The following GSE1 variants were observed in gnomAD, a reference collection of about 807,000 sequenced individuals.
The protein encoded by GSE1 is genetic suppressor element 1.
Under a neutral mutation model 112.6 loss-of-function variants are expected in GSE1, and 32 were observed. That is an observed-to-expected ratio of 0.28 (90% CI 0.21 to 0.38). GSE1 has a LOEUF of 0.38. Among genes scored for constraint, GSE1 ranks in the 10% least tolerant of loss-of-function variants. The pLI, the probability that GSE1 is intolerant of heterozygous loss-of-function variation, is 1.00. For missense variants in GSE1, 2,348 were observed against 1,699.2 expected, an observed-to-expected ratio of 1.38 and a Z score of -6.71; for synonymous variants, 1,115 against 735.6, an observed-to-expected ratio of 1.52 and a Z score of -8.35.
intron 1 of GSE1, among the ~76,000 whole-genome samples, chr16:85,588,744 G>T (rs1244191157): frequency 6.6e-6 from 1 of 152,186 alleles, no homozygotes; most frequent in African/African-American, 2.4e-5. Flanking sequence ...TATTAACAAG[G>T]AGCACTTTCC....
chr16:85,333,393 ACCAGGCTTCCCTT>A (rs890727331), intron 1 of GSE1, among the ~76,000 whole-genome samples: 1 of 151,946 alleles, frequency 6.6e-6, no homozygotes, highest in Non-Finnish European at 1.5e-5. Context: ...GGCCCAGCCC[ACCAGGCTTCCCTT>A]CCAGCCTCCC....
At chr16:85,449,027 T>A (rs2049593410) in intron 2 of GSE1, among the ~76,000 whole-genome samples, 2 of 152,096 alleles carry the variant, frequency 1.3e-5, no homozygotes, top group Non-Finnish European at 2.9e-5. Flanking sequence ...GCGTCAATAT[T>A]GACTCTGTCA....
At chr16:85,340,054 T>C (rs1457033895) in intron 1 of GSE1, among the ~76,000 whole-genome samples, 1 of 152,226 alleles carries the variant, frequency 6.6e-6, no homozygotes, top group Non-Finnish European at 1.5e-5. Context: ...TTAGGTACAT[T>C]TCTGAATCTC....
chr16:85,269,617 C>G (rs8062164), intron 1 of GSE1, among the ~76,000 whole-genome samples: 74,527 of 148,458 alleles, frequency 0.5, 22,134 homozygotes, highest in African/African-American at 0.63. Flanking sequence ...CTCCCGTGCT[C>G]TGCATGCCCG....
chr16:85,299,034 G>T (rs1334716079), intron 1 of GSE1, among the ~76,000 whole-genome samples: 2 of 152,246 alleles, frequency 1.3e-5, no homozygotes, highest in African/African-American at 4.8e-5. Context: ...GTGTGAGGAT[G>T]CTTCCTGACA....
chr16:85,181,044 G>T (rs2074572755), intron 1 of GSE1, among the ~76,000 whole-genome samples: 1 of 152,226 alleles, frequency 6.6e-6, no homozygotes, highest in Non-Finnish European at 1.5e-5. Flanking sequence ...TGTGTTTCAT[G>T]ATGTTGAACT....
chr16:85,486,048 G>A (rs1229142838), intron 2 of GSE1, among the ~76,000 whole-genome samples: 2 of 152,168 alleles, frequency 1.3e-5, no homozygotes, highest in African/African-American at 4.8e-5. Context: ...CGTAACGGCA[G>A]CTCAGTGCAG....
chr16:85,382,235 T>C (rs2047564166), intron 2 of GSE1, among the ~76,000 whole-genome samples: 1 of 152,168 alleles, frequency 6.6e-6, no homozygotes, highest in Non-Finnish European at 1.5e-5. Context: ...TCTCCCGTCC[T>C]GGTCATTCTC....
chr16:85,563,160 G>T (rs1454302262), intron 1 of GSE1, among the ~76,000 whole-genome samples: 6 of 150,556 alleles, frequency 4.0e-5, no homozygotes, highest in Non-Finnish European at 8.9e-5. Flanking sequence ...CATCCACATG[G>T]TATCCTCCTC....
chr16:85,656,394 C>G lies in GSE1; in HGVS notation c.1041C>G (p.Arg347=), dbSNP rs752433842. 1 of 1,532,424 alleles carries G rather than the reference C, an allele frequency of 6.5e-7. No homozygotes were observed. The highest frequency in any genetic ancestry group is 8.9e-7 in the Non-Finnish European group (1 of 1,126,334). The allele number at this position is 1,532,424 out of a possible 1,614,324, so 94.9% of individuals were successfully genotyped here. Reference sequence around the variant, plus strand: ...GGGAGAGGGAGCGCGAGCGCGAGCGCGAGCGTGAGCGTGAGGCTGACCGCG... The same window carrying G: ...GGGAGAGGGAGCGCGAGCGCGAGCGGGAGCGTGAGCGTGAGGCTGACCGCG... ...LRRERERERE[R]EREREADRER... Residue 347 remains arginine (R), a synonymous_variant, in exon 7 of 16, where the codon CGC becomes CGG. Transcript: ENST00000253458.
At chr16:85,486,699 G>A (rs182878327) in intron 2 of GSE1, among the ~76,000 whole-genome samples, 7 of 152,112 alleles carry the variant, frequency 4.6e-5, no homozygotes, top group African/African-American at 1.2e-4. Flanking sequence ...CTCTCCTGCC[G>A]CCTCCAGCAG....
At chr16:85,465,764 G>A (rs1016194933) in intron 2 of GSE1, among the ~76,000 whole-genome samples, 2 of 152,198 alleles carry the variant, frequency 1.3e-5, no homozygotes, top group South Asian at 2.1e-4. Flanking sequence ...TCAGACAGAC[G>A]TTCCTCAAGG....
intron 1 of GSE1, among the ~76,000 whole-genome samples, chr16:85,238,125 C>G (rs1389791234): frequency 6.6e-6 from 1 of 152,114 alleles, no homozygotes; most frequent in Non-Finnish European, 1.5e-5. Flanking sequence ...TGCTGTTGGA[C>G]CCAACACAGG....
intron 1 of GSE1, among the ~76,000 whole-genome samples, chr16:85,183,340 G>A (rs980764471): frequency 3.9e-5 from 6 of 152,230 alleles, no homozygotes; most frequent in Admixed American, 6.5e-5. Flanking sequence ...CCTCTTGGCC[G>A]TAGGGGTGTC....
chr16:85,380,920 A>G (rs2047533060), intron 2 of GSE1, among the ~76,000 whole-genome samples: 1 of 152,220 alleles, frequency 6.6e-6, no homozygotes, highest in Admixed American at 6.5e-5. Flanking sequence ...AAGTCTTTGC[A>G]ATGCGTGTTA....
At chr16:85,430,636 C>T (rs1015744094) in intron 2 of GSE1, among the ~76,000 whole-genome samples, 13 of 152,328 alleles carry the variant, frequency 8.5e-5, no homozygotes, top group East Asian at 5.8e-4. Flanking sequence ...GGAACGGGGA[C>T]GCCTGGTGCC....
chr16:85,298,832 C>T (rs2045438011), intron 1 of GSE1, among the ~76,000 whole-genome samples: 1 of 152,278 alleles, frequency 6.6e-6, no homozygotes, highest in East Asian at 1.9e-4. Context: ...CACTCCGCTG[C>T]AGATGGGCTA....
rs551766960 is a variant in GSE1 at position 85,634,171 on chromosome 16, G to A, written c.226+39G>A. 302 of 1,329,726 alleles carry A rather than the reference G, an allele frequency of 2.3e-4. 2 individuals are homozygous for A. The South Asian group carries it at 2.7e-3, about 12-fold the overall frequency. 82.4% of individuals were successfully genotyped at this position (1,329,726 alleles called of 1,614,324 possible). ...CCAGGCTGCGCGTGGGGGGAGCGGC[G>A]GCTCCCGAGGCCGGGACTCAGCCTC... On this transcript the variant is annotated intron_variant, in intron 2 of 15. Transcript: ENST00000253458.
intron 2 of GSE1, among the ~76,000 whole-genome samples, chr16:85,372,423 G>T (rs1408395935): frequency 6.8e-6 from 1 of 147,930 alleles, no homozygotes; most frequent in Non-Finnish European, 1.5e-5. Context: ...AGGCTTCAGT[G>T]AGCCGAGATC....
Sources: gnomAD v4.1 joint callset for allele counts (sites outside exome capture counted in the v4.1 genomes callset) on GRCh38, gnomAD v4.1.1 for gene constraint, MANE v1.5 for transcripts, NCBI Gene and HGNC (gene_info 2026-07-23, HGNC 2026-07-21) for gene names.